The following PPP6R2 variants were observed in gnomAD, a reference collection of about 807,000 sequenced individuals.
PPP6R2 encodes the protein serine/threonine-protein phosphatase 6 regulatory subunit 2.
Under a neutral mutation model 100.2 loss-of-function variants are expected in PPP6R2, and 62 were observed. The observed-to-expected ratio is 0.62, with a 90% CI of 0.50 to 0.76. PPP6R2 has a LOEUF of 0.76. Among genes scored for constraint, PPP6R2 ranks in the 30% least tolerant of loss-of-function variants. The pLI, the probability that PPP6R2 is intolerant of heterozygous loss-of-function variation, is 0.00. For missense variants in PPP6R2, 1,142 were observed against 1,276.3 expected (o/e 0.89, Z 1.60); for synonymous variants, 525 against 514.7 (o/e 1.02, Z -0.27).
chr22:50,385,322 A>C (rs992854986), intron 2 of PPP6R2, among the ~76,000 whole-genome samples: 2 of 151,836 alleles, frequency 1.3e-5, no homozygotes, highest in Non-Finnish European at 2.9e-5. Flanking sequence ...CAGCCTCCCG[A>C]GTAGCTGGGA....
At chr22:50,385,438 A>T (rs1232168726) in intron 2 of PPP6R2, among the ~76,000 whole-genome samples, 2 of 151,052 alleles carry the variant, frequency 1.3e-5, no homozygotes, top group East Asian at 3.9e-4. Context: ...ACCTCAGGTG[A>T]TCCACCTGCC....
chr22:50,355,670 G>A (rs2046371545), intron 1 of PPP6R2, among the ~76,000 whole-genome samples: 2 of 151,048 alleles, frequency 1.3e-5, no homozygotes, highest in African/African-American at 4.9e-5. Flanking sequence ...ACAGGTGCCC[G>A]CCACCACACC....
Position 50,444,490 on chromosome 22 carries a change from C to A in PPP6R2, c.*243C>A. 1 of 520,476 alleles carries A rather than the reference C, an allele frequency of 1.9e-6. No individual in the cohort carries two copies. Among genetic ancestry groups the A allele is most frequent in the Non-Finnish European group, 3.3e-6 (1 of 304,148 alleles). 32.2% of individuals were successfully genotyped at this position (520,476 alleles called of 1,614,324 possible). A position where few individuals can be genotyped will look rare whatever the true frequency, so the allele number is the denominator to read the frequency against. On this transcript the variant is annotated 3_prime_UTR_variant, in exon 24 of 24. Coordinates refer to ENST00000612753, the MANE Select transcript of PPP6R2 (RefSeq NM_001242898.2). ...AGGGGCACCTCAGCCGCCCCCAAGC[C>A]CAGAGCACAGCAATAAGGTCGGCCT...
At position 50,359,394 on chromosome 22, in the gene PPP6R2, A is replaced by G. The variant is rs956958192; in HGVS notation, c.-147-12626A>G. Among the ~76,000 whole-genome samples the G allele has an allele frequency of 4.6e-5, 7 of 151,662 alleles. No homozygotes were observed. The South Asian group carries it at 1.5e-3, about 32-fold the overall frequency. On this transcript the variant is annotated intron_variant, in intron 1 of 23. Transcript: ENST00000612753. Reference sequence around the variant, plus strand: ...CCACCGCACCCGGCTAATTTTTTGTATTTTTAGTAGAGATGGGGTTTGCCG... The same window carrying G: ...CCACCGCACCCGGCTAATTTTTTGTGTTTTTAGTAGAGATGGGGTTTGCCG...
At chr22:50,430,873 CAAAAAAAAAA>C (rs375308909) in intron 10 of PPP6R2, among the ~76,000 whole-genome samples, 1 of 85,678 alleles carries the variant, frequency 1.2e-5, no homozygotes, top group African/African-American at 4.9e-5. Context: ...GACTCCGTCT[CAAAAAAAAAA>C]AAAAAAAAGA....
intron 13 of PPP6R2, among the ~76,000 whole-genome samples, chr22:50,436,113 G>A (rs2064193667): frequency 6.6e-6 from 1 of 152,170 alleles, no homozygotes. Flanking sequence ...GTTTCGGTAG[G>A]GGCAGAAGTG....
At chr22:50,404,787 C>G (rs954337431) in intron 3 of PPP6R2, among the ~76,000 whole-genome samples, 15 of 152,072 alleles carry the variant, frequency 9.9e-5, no homozygotes, top group Non-Finnish European at 4.4e-5. Context: ...GGACAGGTCA[C>G]TTGCTGGTGT....
chr22:50,363,955 C>T (rs1005940632), intron 1 of PPP6R2, among the ~76,000 whole-genome samples: 3 of 148,634 alleles, frequency 2.0e-5, no homozygotes, highest in African/African-American at 5.0e-5. Flanking sequence ...AGTACAGTGG[C>T]GCAATCTCGG....
intron 1 of PPP6R2, among the ~76,000 whole-genome samples, chr22:50,343,816 C>A (rs1410463092): frequency 1.0e-4 from 4 of 39,836 alleles, no homozygotes; most frequent in Admixed American, 9.3e-4. Context: ...AGTTCCCCCC[C>A]AGTCAGTTCC....
At chr22:50,435,316 G>A (rs566169537) in intron 13 of PPP6R2, among the ~76,000 whole-genome samples, 62 of 152,344 alleles carry the variant, frequency 4.1e-4, no homozygotes, top group African/African-American at 1.3e-3. Context: ...AGGCGTCAGC[G>A]TGTGGCACAA....
chr22:50,435,512 G>A (rs2064041293), intron 13 of PPP6R2, among the ~76,000 whole-genome samples: 1 of 152,228 alleles, frequency 6.6e-6, no homozygotes, highest in Non-Finnish European at 1.5e-5. Context: ...ACAAGTCTCA[G>A]GGGAGCAGGT....
chr22:50,366,985 C>CT (rs541397465), intron 1 of PPP6R2, among the ~76,000 whole-genome samples: 15,695 of 145,612 alleles, frequency 0.11, 890 homozygotes, highest in East Asian at 0.2. Flanking sequence ...CCTATGTTTT[C>CT]TTTTTTTTTT....
At chr22:50,376,647 T>A (rs915241622) in intron 2 of PPP6R2, among the ~76,000 whole-genome samples, 1 of 152,022 alleles carries the variant, frequency 6.6e-6, no homozygotes, top group Non-Finnish European at 1.5e-5. Flanking sequence ...TGGTCTTGAA[T>A]TCCTGGCTTT....
chr22:50,434,967 G>A lies in PPP6R2; in HGVS notation c.1402G>A (p.Ala468Thr), dbSNP rs1446671460. Reference protein sequence around the residue: ...EAWEANDHTQAAGGMRRGNMG... With the variant: ...EAWEANDHTQTAGGMRRGNMG... The stretch of plus-strand genomic sequence containing the variant: ...CCCGATGGTGCCTGTTGCTTTCAGG[G>A]CAGCGGGTGGCATGAGACGTGGGAA... Residue 468 changes from alanine (A) to threonine (T), a missense_variant and splice_region_variant, in exon 13 of 24, where the codon GCA becomes ACA. Physicochemically the swap from Ala to Thr is moderately conservative, Grantham distance 58 (BLOSUM62 0). Coordinates refer to ENST00000612753, the MANE Select transcript of PPP6R2 (RefSeq NM_001242898.2). 1.9e-6 allele frequency: 3 copies of A among 1,602,586 alleles called. No individual in the cohort carries two copies. The highest frequency in any genetic ancestry group is 2.5e-6 in the Non-Finnish European group (3 of 1,176,772).
chr22:50,362,038 C>T (rs1429736663), intron 1 of PPP6R2, among the ~76,000 whole-genome samples: 2 of 152,194 alleles, frequency 1.3e-5, no homozygotes, highest in South Asian at 4.1e-4. Context: ...TATGCCTGGA[C>T]CTTTGTGGTC....
intron 1 of PPP6R2, among the ~76,000 whole-genome samples, chr22:50,367,792 T>C (rs2049059436): frequency 6.6e-6 from 1 of 151,982 alleles, no homozygotes. Flanking sequence ...AGACGAGAGA[T>C]CGTAGAAATA....
At chr22:50,429,133 C>T (rs1031499286) in intron 10 of PPP6R2, among the ~76,000 whole-genome samples, 8 of 152,058 alleles carry the variant, frequency 5.3e-5, no homozygotes, top group African/African-American at 1.9e-4. Context: ...TGGGCTCAGG[C>T]GATTCTCCTG....
At chr22:50,370,134 A>G (rs2049726703) in intron 1 of PPP6R2, among the ~76,000 whole-genome samples, 1 of 144,536 alleles carries the variant, frequency 6.9e-6, no homozygotes, top group South Asian at 2.2e-4. Flanking sequence ...TAACTTCGAC[A>G]GTGATCGACA....
intron 3 of PPP6R2, among the ~76,000 whole-genome samples, chr22:50,394,600 TAAAAAAAAAAAAA>T (rs67708136): frequency 3.7e-5 from 3 of 80,564 alleles, no homozygotes; most frequent in African/African-American, 5.3e-5. Context: ...ACCCTGTCTT[TAAAAAAAAAAAAA>T]AAAAAAAAAA....
Sources: allele counts gnomAD v4.1 joint callset (sites outside exome capture counted in the v4.1 genomes callset), GRCh38; gene constraint gnomAD v4.1.1; transcripts MANE v1.5; gene names NCBI Gene and HGNC (gene_info 2026-07-23, HGNC 2026-07-21).